UVRAG: variants seen among roughly 807,000 people sequenced by gnomAD.
UVRAG encodes UV radiation resistance-associated gene protein.
UVRAG carries 19 observed loss-of-function variants against 78.0 expected under a neutral mutation model. The ratio of observed to expected loss-of-function variants is 0.24; its 90% confidence interval spans 0.17 to 0.36. The LOEUF (loss-of-function observed/expected upper bound fraction) is 0.36, where lower values mean the gene tolerates loss of function less well. Among genes scored for constraint, UVRAG ranks in the 10% least tolerant of loss-of-function variants. The probability of loss-of-function intolerance (pLI) is 1.00; values close to 1 mark genes in which losing one functional copy is unlikely to be tolerated. For synonymous variants in UVRAG, 323 were observed against 324.6 expected, an observed-to-expected ratio of 1.00 and a Z score of 0.05; for missense variants, 740 against 853.8, an observed-to-expected ratio of 0.87 and a Z score of 1.66.
chr11:75,863,139 A>C (rs1422393445), intron 3 of UVRAG, among the ~76,000 whole-genome samples: 1 of 152,198 alleles, frequency 6.6e-6, no homozygotes, highest in Non-Finnish European at 1.5e-5. Flanking sequence ...ATGTCTCTAA[A>C]ATATCAATAG....
intron 14 of UVRAG, chr11:76,137,835 G>T (rs963502043): frequency 2.1e-5 from 5 of 236,062 alleles, no homozygotes; most frequent in African/African-American, 1.1e-4. Context: ...TTAAGGCCAG[G>T]AGTTGAGGCT....
At chr11:75,861,888 T>C (rs1360813441) in intron 3 of UVRAG, 108 bp downstream of exon 3, 1 of 887,956 alleles carries the variant, frequency 1.1e-6, no homozygotes, top group Non-Finnish European at 1.8e-6. Context: ...TATGATACTT[T>C]AACGGATCTG....
chr11:75,884,150 T>C (rs532513245), intron 4 of UVRAG, among the ~76,000 whole-genome samples: 6 of 152,228 alleles, frequency 3.9e-5, no homozygotes, highest in African/African-American at 1.2e-4. Context: ...TAGTTTTAAT[T>C]TGAATTTTCC....
chr11:76,052,621 G>C (rs930353466), intron 12 of UVRAG, among the ~76,000 whole-genome samples: 2 of 152,128 alleles, frequency 1.3e-5, no homozygotes, highest in African/African-American at 2.4e-5. Context: ...TTTGAGATTC[G>C]CTTGACCTGT....
chr11:76,014,638 T>G (rs1432242639), intron 11 of UVRAG, among the ~76,000 whole-genome samples: 1 of 152,226 alleles, frequency 6.6e-6, no homozygotes, highest in Non-Finnish European at 1.5e-5. Context: ...ATAGGTATTC[T>G]GGAGGATTGT....
intron 6 of UVRAG, among the ~76,000 whole-genome samples, chr11:75,958,586 T>A (rs1166107620): frequency 6.6e-6 from 1 of 152,210 alleles, no homozygotes; most frequent in East Asian, 1.9e-4. Flanking sequence ...CTGCAGTTAC[T>A]TCCTCCACTG....
intron 12 of UVRAG, among the ~76,000 whole-genome samples, chr11:76,039,764 A>T (rs1338686795): frequency 6.6e-6 from 1 of 152,160 alleles, no homozygotes; most frequent in African/African-American, 2.4e-5. Context: ...AGTCCCAGCT[A>T]CTTGGGAGGC....
chr11:76,031,625 A>G (rs972809380), intron 12 of UVRAG, among the ~76,000 whole-genome samples: 1 of 152,226 alleles, frequency 6.6e-6, no homozygotes, highest in Non-Finnish European at 1.5e-5. Context: ...AGAAAACCAG[A>G]TGACTCTGAC....
chr11:75,960,893 T>C (rs1283806557), intron 6 of UVRAG, among the ~76,000 whole-genome samples: 2 of 152,252 alleles, frequency 1.3e-5, no homozygotes, highest in Non-Finnish European at 1.5e-5. Context: ...GAGAATGTAG[T>C]TGGCTAGTTT....
chr11:75,817,898 G>GA (rs111248538), intron 1 of UVRAG, among the ~76,000 whole-genome samples: 1,064 of 104,018 alleles, frequency 0.01, 5 homozygotes, highest in Non-Finnish European at 0.016. Context: ...ACAAAAAAAA[G>GA]AAAAAAAAAA....
intron 6 of UVRAG, among the ~76,000 whole-genome samples, chr11:75,948,419 G>A (rs1330818598): frequency 6.6e-6 from 1 of 152,094 alleles, no homozygotes; most frequent in East Asian, 1.9e-4. Flanking sequence ...TAAGAGCATT[G>A]GGAAAGAAGA....
intron 5 of UVRAG, among the ~76,000 whole-genome samples, chr11:75,901,558 G>A (rs1438232724): frequency 6.6e-6 from 1 of 152,144 alleles, no homozygotes; most frequent in Non-Finnish European, 1.5e-5. Flanking sequence ...TCTTAGTGAA[G>A]TGAATGGTAC....
At position 75,983,417 on chromosome 11, in the gene UVRAG, AT is replaced by A; in HGVS notation, c.734del (p.Leu245TrpfsTer49). The A allele has an allele frequency of 6.2e-7, 1 of 1,604,662 alleles. No homozygotes were observed. The highest frequency in any genetic ancestry group is 1.1e-5 in the South Asian group (1 of 87,948). On this transcript the variant is annotated frameshift_variant, in exon 8 of 15. Coordinates refer to ENST00000356136, the MANE Select transcript of UVRAG (RefSeq NM_003369.4). LOFTEE classifies it high-confidence loss of function. ...AAAAAGTGAATGCCTGCAGTTAAAA[AT>A]TTTGGTGCTTCAGAATGAACTGGAA... ...KKKSECLQLK[I>X]LVLQNELERQ...
intron 11 of UVRAG, among the ~76,000 whole-genome samples, chr11:76,010,449 G>A (rs1950029978): frequency 6.6e-6 from 1 of 152,144 alleles, no homozygotes; most frequent in Admixed American, 6.5e-5. Flanking sequence ...TCTCTAAGGA[G>A]AAATATAAAA....
Position 75,815,247 on chromosome 11 carries a change from C to T in UVRAG, c.-161C>T. 1 of 449,348 alleles carries T rather than the reference C, an allele frequency of 2.2e-6. No homozygotes were observed. Among genetic ancestry groups the T allele is most frequent in the Non-Finnish European group, 3.8e-6 (1 of 260,612 alleles). 27.8% of individuals were successfully genotyped at this position (449,348 alleles called of 1,614,324 possible). A position where few individuals can be genotyped will look rare whatever the true frequency, so the allele number is the denominator to read the frequency against. On this transcript the variant is annotated 5_prime_UTR_variant, in exon 1 of 15. Coordinates refer to ENST00000356136, the MANE Select transcript of UVRAG (RefSeq NM_003369.4). ...CTTCCTTAGCCAGCGGCGGCAACGG[C>T]GGCAGCGGCGGCAGCGGCGGCGGCT...
chr11:75,892,379 A>G, intron 5 of UVRAG: 1 of 985,448 alleles, frequency 1.0e-6, no homozygotes, highest in South Asian at 4.7e-5. Context: ...CTGTGTGGGA[A>G]CATGGGAATG....
chr11:75,952,554 G>C (rs1395332816), intron 6 of UVRAG, among the ~76,000 whole-genome samples: 1 of 150,966 alleles, frequency 6.6e-6, no homozygotes, highest in East Asian at 1.9e-4. Flanking sequence ...GTCATTGATT[G>C]ATTTTCAAAT....
intron 12 of UVRAG, among the ~76,000 whole-genome samples, chr11:76,032,823 T>G (rs892938816): frequency 1.3e-5 from 2 of 152,326 alleles, no homozygotes; most frequent in Admixed American, 6.5e-5. Flanking sequence ...GACCAAAGCC[T>G]CCACTTTCTC....
chr11:75,907,265 A>G (rs1375693581), intron 5 of UVRAG, among the ~76,000 whole-genome samples: 1 of 152,196 alleles, frequency 6.6e-6, no homozygotes, highest in African/African-American at 2.4e-5. Context: ...GGTGAAAGCA[A>G]TCACCTTGTC....
Sources: gnomAD v4.1 joint callset for allele counts (sites outside exome capture counted in the v4.1 genomes callset) on GRCh38, gnomAD v4.1.1 for gene constraint, MANE v1.5 for transcripts, NCBI Gene and HGNC (gene_info 2026-07-23, HGNC 2026-07-21) for gene names.